The following KIF18A variants were observed in gnomAD, a reference collection of about 807,000 sequenced individuals.
KIF18A encodes the protein kinesin-like protein KIF18A.
In KIF18A, 67 loss-of-function variants were observed where a neutral mutation model predicts 103.3. That is an observed-to-expected ratio of 0.65 (90% CI 0.53 to 0.79). KIF18A has a LOEUF of 0.79. Ranked by LOEUF, KIF18A falls within the 30% of genes least tolerant of loss-of-function variation. KIF18A has a pLI of 0.00. For synonymous variants in KIF18A, 367 were observed against 355.5 expected (o/e 1.03, Z -0.36); for missense variants, 1,032 against 1,062.5 (o/e 0.97, Z 0.40).
chr11:28,097,163 C>G (rs916233860), intron 2 of KIF18A, among the ~76,000 whole-genome samples: 1 of 152,080 alleles, frequency 6.6e-6, no homozygotes, highest in African/African-American at 2.4e-5. Context: ...CCTCAGTCTC[C>G]TCCTATCCTT....
At chr11:28,024,505 C>CA (rs1388792100) in intron 15 of KIF18A, among the ~76,000 whole-genome samples, 1 of 151,502 alleles carries the variant, frequency 6.6e-6, no homozygotes, top group East Asian at 1.9e-4. Context: ...AAACAAGGCA[C>CA]AAAAATCCCT....
chr11:28,031,121 T>G (rs1275474273), intron 15 of KIF18A, among the ~76,000 whole-genome samples: 1 of 152,182 alleles, frequency 6.6e-6, no homozygotes, highest in African/African-American at 2.4e-5. Context: ...GAAGACAGTG[T>G]GGCGATTTCT....
intron 10 of KIF18A, among the ~76,000 whole-genome samples, chr11:28,075,909 A>G (rs1851085226): frequency 6.6e-6 from 1 of 152,142 alleles, no homozygotes. Context: ...ATCATTGTGA[A>G]AAGCAAGCCT....
At chr11:28,098,644 C>G (rs908378026) in intron 1 of KIF18A, among the ~76,000 whole-genome samples, 1 of 152,010 alleles carries the variant, frequency 6.6e-6, no homozygotes, top group East Asian at 1.9e-4. Flanking sequence ...ATTCAGAGAC[C>G]TAGTCTCTGA....
intron 13 of KIF18A, chr11:28,056,898 A>C (rs1850788316): frequency 2.6e-6 from 1 of 382,368 alleles, no homozygotes; most frequent in African/African-American, 2.3e-5. Context: ...ACATAAGAAA[A>C]ATGGACTCTA....
intron 15 of KIF18A, 115 bp from the exon 16 acceptor site, chr11:28,023,965 T>C: frequency 3.8e-6 from 2 of 522,114 alleles, no homozygotes; most frequent in East Asian, 6.2e-5. Flanking sequence ...TATTAAGTTG[T>C]GAAATCTCAC....
chr11:28,073,883 T>C (rs981543007), intron 10 of KIF18A, among the ~76,000 whole-genome samples: 1 of 152,222 alleles, frequency 6.6e-6, no homozygotes, highest in Non-Finnish European at 1.5e-5. Context: ...AGTTGAGATG[T>C]TAAGTCAATA....
chr11:28,026,927 C>A (rs1013906384), intron 15 of KIF18A, among the ~76,000 whole-genome samples: 14 of 151,632 alleles, frequency 9.2e-5, no homozygotes, highest in Non-Finnish European at 1.6e-4. Context: ...CAAATTTGTA[C>A]CTTAGCAAAT....
At chr11:28,070,990 A>C (rs1851006058) in intron 10 of KIF18A, among the ~76,000 whole-genome samples, 1 of 152,190 alleles carries the variant, frequency 6.6e-6, no homozygotes, top group South Asian at 2.1e-4. Context: ...CGGGAGGTTG[A>C]GGCTGCAGTG....
chr11:28,023,586 T>C (rs1850273065), intron 16 of KIF18A, among the ~76,000 whole-genome samples, 155 bp downstream of exon 16: 2 of 152,204 alleles, frequency 1.3e-5, no homozygotes, highest in Admixed American at 6.5e-5. Context: ...AAAGTTTCCT[T>C]ATCTATAATA....
At chr11:28,053,667 C>T (rs914213073) in intron 13 of KIF18A, among the ~76,000 whole-genome samples, 1 of 151,290 alleles carries the variant, frequency 6.6e-6, no homozygotes, top group Non-Finnish European at 1.5e-5. Context: ...TCCCCCACCC[C>T]ATAACAGGCC....
chr11:28,075,885 C>A (rs147462076), intron 10 of KIF18A, among the ~76,000 whole-genome samples: 20 of 152,170 alleles, frequency 1.3e-4, no homozygotes, highest in African/African-American at 4.3e-4. Context: ...TGGGTTGTAA[C>A]AATTTAAACC....
intron 6 of KIF18A, among the ~76,000 whole-genome samples, chr11:28,087,611 G>A (rs1255133663): frequency 6.6e-6 from 1 of 152,144 alleles, no homozygotes; most frequent in East Asian, 1.9e-4. Context: ...CCAGTAATGG[G>A]ATGGCTGGGT....
chr11:28,026,510 T>C (rs886248378), intron 15 of KIF18A, among the ~76,000 whole-genome samples: 5 of 151,766 alleles, frequency 3.3e-5, no homozygotes, highest in South Asian at 2.1e-4. Context: ...GGGAATGTAA[T>C]AGAACAATTA....
At chr11:28,051,538 A>T (rs2133515209) in intron 13 of KIF18A, among the ~76,000 whole-genome samples, 2 of 152,122 alleles carry the variant, frequency 1.3e-5, no homozygotes, top group South Asian at 4.1e-4. Context: ...ACAAAAATTT[A>T]AAAGCTTATG....
chr11:28,094,475 A>G lies in KIF18A; in HGVS notation c.483+168T>C, dbSNP rs1565090838. ...CTCTATAAGTCTGAAATTTTGCCAA[A>G]GTAAAAAAAAAAAAAATTAACAGAA... On this transcript the variant is annotated intron_variant, in intron 3 of 16. Transcript: ENST00000263181. Among the ~76,000 whole-genome samples, 12 of 144,456 alleles carry G rather than the reference A, an allele frequency of 8.3e-5. No homozygotes were observed. The South Asian group carries it at 2.8e-3, about 33-fold the overall frequency. 94.8% of individuals were successfully genotyped at this position (144,456 alleles called of 152,430 possible).
rs75879007 is a variant in KIF18A at position 28,092,603 on chromosome 11, G to A, written c.484-1090C>T. ...ACCCGATTTTATGAATTTATTAAAG[G>A]TATAAAGTTTATTACTTGCTAACCA... On this transcript the variant is annotated intron_variant, in intron 3 of 16. Coordinates refer to ENST00000263181, the MANE Select transcript of KIF18A (RefSeq NM_031217.4). 1.2e-3 allele frequency among the ~76,000 whole-genome samples: 183 copies of A among 152,174 alleles called. 1 individual carries two copies. In the East Asian group the frequency reaches 0.024, roughly 20 times the overall value.
chr11:28,063,170 T>C (rs1850877303), intron 11 of KIF18A, among the ~76,000 whole-genome samples: 1 of 152,052 alleles, frequency 6.6e-6, no homozygotes, highest in Non-Finnish European at 1.5e-5. Context: ...ATTTTAGAGA[T>C]GGGCTTATAA....
chr11:28,080,348 G>GT (rs34970405), intron 9 of KIF18A, among the ~76,000 whole-genome samples: 77,785 of 138,158 alleles, frequency 0.56, 21,727 homozygotes, highest in East Asian at 0.68. Context: ...TGCAGACACT[G>GT]TTTTTTTTTT....
Sources: gnomAD v4.1 joint callset for allele counts (sites outside exome capture counted in the v4.1 genomes callset) on GRCh38, gnomAD v4.1.1 for gene constraint, MANE v1.5 for transcripts, NCBI Gene and HGNC (gene_info 2026-07-23, HGNC 2026-07-21) for gene names.